The following CNTN5 variants were observed in gnomAD, a reference collection of about 807,000 sequenced individuals.
CNTN5 encodes contactin 5.
CNTN5 carries 77 observed loss-of-function variants against 129.1 expected under a neutral mutation model. The observed-to-expected ratio is 0.60, with a 90% CI of 0.50 to 0.72. CNTN5 has a LOEUF of 0.72. Among genes scored for constraint, CNTN5 ranks in the 30% least tolerant of loss-of-function variants. CNTN5 has a pLI of 0.00. For missense variants in CNTN5, 1,478 were observed against 1,328.8 expected, an observed-to-expected ratio of 1.11 and a Z score of -1.75; for synonymous variants, 509 against 465.6, an observed-to-expected ratio of 1.09 and a Z score of -1.20.
rs867268160 is a variant in CNTN5, at chr11:99,431,037, C to A, written c.-71+105553C>A. Among the ~76,000 whole-genome samples, 7 of 148,296 alleles carry A rather than the reference C, an allele frequency of 4.7e-5. No individual in the cohort carries two copies. In the South Asian group the frequency reaches 6.4e-4, roughly 13 times the overall value. ...TTCCTCTCATTTCTTTTTGCAACTG[C>A]AGAGTATTTCAGCAATTTTAAAAGG... On this transcript the variant is annotated intron_variant, in intron 2 of 24. Coordinates refer to ENST00000524871, the MANE Select transcript of CNTN5 (RefSeq NM_014361.4).
At chr11:99,314,595 G>A (rs1452845503) in intron 1 of CNTN5, among the ~76,000 whole-genome samples, 1 of 151,982 alleles carries the variant, frequency 6.6e-6, no homozygotes, top group Non-Finnish European at 1.5e-5. Flanking sequence ...CGGATTGAAA[G>A]GAAAAATGCA....
At chr11:100,012,882 C>A (rs1940610198) in intron 9 of CNTN5, among the ~76,000 whole-genome samples, 1 of 152,084 alleles carries the variant, frequency 6.6e-6, no homozygotes, top group African/African-American at 2.4e-5. Flanking sequence ...TAGACTTATC[C>A]AACAGCTTTC....
At chr11:100,029,924 G>A (rs1232728689) in intron 9 of CNTN5, among the ~76,000 whole-genome samples, 1 of 152,128 alleles carries the variant, frequency 6.6e-6, no homozygotes, top group Admixed American at 6.5e-5. Flanking sequence ...AAAATGTAGA[G>A]TATTAAGGCT....
chr11:99,229,920 T>A (rs575042642), intron 1 of CNTN5, among the ~76,000 whole-genome samples: 1 of 152,156 alleles, frequency 6.6e-6, no homozygotes, highest in East Asian at 1.9e-4. Flanking sequence ...ATGTGCAATA[T>A]ATATATTGCA....
chr11:100,218,569 C>T (rs901921028), intron 15 of CNTN5, among the ~76,000 whole-genome samples: 5 of 152,176 alleles, frequency 3.3e-5, no homozygotes, highest in South Asian at 4.1e-4. Context: ...TAGTGCTTGA[C>T]TGTTACCATT....
intron 2 of CNTN5, among the ~76,000 whole-genome samples, chr11:99,334,482 G>A (rs1053062435): frequency 5.3e-5 from 8 of 151,936 alleles, no homozygotes; most frequent in South Asian, 2.1e-4. Flanking sequence ...CCATAAATAC[G>A]TATAATTATG....
intron 15 of CNTN5, among the ~76,000 whole-genome samples, chr11:100,195,112 A>G (rs1948602130): frequency 6.6e-6 from 1 of 151,894 alleles, no homozygotes; most frequent in Non-Finnish European, 1.5e-5. Flanking sequence ...TTTCCTACAC[A>G]TTTTATAACA....
intron 1 of CNTN5, among the ~76,000 whole-genome samples, chr11:99,166,893 G>C (rs112152704): frequency 6.6e-6 from 1 of 151,572 alleles, no homozygotes; most frequent in Non-Finnish European, 1.5e-5. Context: ...AAATCCACAC[G>C]AAACAGCCTT....
intron 7 of CNTN5, among the ~76,000 whole-genome samples, chr11:99,931,416 C>T (rs1950189459): frequency 6.6e-6 from 1 of 152,116 alleles, no homozygotes. Flanking sequence ...ACTTAGAACA[C>T]TGCAATAACC....
chr11:100,333,409 A>G lies in CNTN5; in HGVS notation c.2731-7054A>G, dbSNP rs895407115. On this transcript the variant is annotated intron_variant, in intron 21 of 24. Coordinates refer to ENST00000524871, the MANE Select transcript of CNTN5 (RefSeq NM_014361.4). ...CCACCATCATTCTTCACTGAATTAG[A>G]AAAAAAAAAAAAAAAAAAAAAAACA... Among the ~76,000 whole-genome samples, 3 of 17,288 alleles carry G rather than the reference A, an allele frequency of 1.7e-4. No individual in the cohort carries two copies. In the Admixed American group the frequency reaches 2.3e-3, roughly 13 times the overall value. 11.3% of individuals were successfully genotyped at this position (17,288 alleles called of 152,430 possible).
At chr11:99,620,685 T>G (rs12789715) in intron 3 of CNTN5, among the ~76,000 whole-genome samples, 31,639 of 151,484 alleles carry the variant, frequency 0.21, 3,768 homozygotes, top group East Asian at 0.39. Flanking sequence ...GCATAGAAAA[T>G]CAAACGATGG....
Position 100,295,612 on chromosome 11 carries a change from C to T in CNTN5, c.2315-2013C>T, listed in dbSNP as rs1951085017. Among the ~76,000 whole-genome samples the T allele has an allele frequency of 2.6e-5, 4 of 151,466 alleles. No homozygotes were observed. In the South Asian group the frequency reaches 8.3e-4, roughly 31 times the overall value. The stretch of plus-strand genomic sequence containing the variant: ...ATTCTATTAATATCTTTTAAATAGG[C>T]TTCTAGATGTTGACTAGAGAGCCTA... On this transcript the variant is annotated intron_variant, in intron 18 of 24. Transcript: ENST00000524871.
At position 99,136,758 on chromosome 11, in the gene CNTN5, G is replaced by C. The variant is rs528322530; in HGVS notation, c.-210+115488G>C. ...TTGTCGCAGACTACACAGATGGACG[G>C]AAGAAGGCATAAAAGGACATGGGTT... On this transcript the variant is annotated intron_variant, in intron 1 of 24. Transcript: ENST00000524871. 4.0e-4 allele frequency among the ~76,000 whole-genome samples: 51 copies of C among 127,022 alleles called. No homozygotes were observed. The East Asian group carries it at 0.011, about 28-fold the overall frequency. The allele number at this position is 127,022 out of a possible 152,430, so 83.3% of individuals were successfully genotyped here. A position where few individuals can be genotyped will look rare whatever the true frequency, so the allele number is the denominator to read the frequency against.
chr11:99,819,228 A>T (rs1946690894), intron 3 of CNTN5, among the ~76,000 whole-genome samples: 1 of 139,956 alleles, frequency 7.1e-6, no homozygotes, highest in Non-Finnish European at 1.5e-5. Flanking sequence ...TTTCCTACTT[A>T]CCTCTCTCTC....
intron 17 of CNTN5, among the ~76,000 whole-genome samples, chr11:100,264,067 T>C (rs1312715960): frequency 1.3e-5 from 2 of 152,082 alleles, no homozygotes; most frequent in Admixed American, 6.6e-5. Context: ...TTTATATATA[T>C]ACATATGTGT....
chr11:99,992,593 T>C (rs957579379), intron 8 of CNTN5, among the ~76,000 whole-genome samples: 2 of 152,208 alleles, frequency 1.3e-5, no homozygotes, highest in African/African-American at 4.8e-5. Context: ...CTTCAAAAAA[T>C]ATTCATCATC....
intron 21 of CNTN5, among the ~76,000 whole-genome samples, chr11:100,313,536 GATGCCTATTAGAGGC>G (rs1204040290): frequency 6.6e-6 from 1 of 151,954 alleles, no homozygotes; most frequent in Non-Finnish European, 1.5e-5. Flanking sequence ...TTGAATTTTT[GATGCCTATTAGAGGC>G]ATCTAAGAGG....
chr11:99,889,695 C>T (rs185825729), intron 6 of CNTN5, among the ~76,000 whole-genome samples: 31 of 152,004 alleles, frequency 2.0e-4, no homozygotes, highest in African/African-American at 7.5e-4. Context: ...ACTGCCACGT[C>T]CAGCTAATTT....
intron 3 of CNTN5, among the ~76,000 whole-genome samples, chr11:99,782,706 T>C (rs1014673045): frequency 6.6e-6 from 1 of 151,890 alleles, no homozygotes; most frequent in Non-Finnish European, 1.5e-5. Flanking sequence ...TTGACAAACC[T>C]GAGAAAAACA....
Sources: gnomAD v4.1 joint callset for allele counts (sites outside exome capture counted in the v4.1 genomes callset) on GRCh38, gnomAD v4.1.1 for gene constraint, MANE v1.5 for transcripts, NCBI Gene and HGNC (gene_info 2026-07-23, HGNC 2026-07-21) for gene names.